Variants in PCDHA2 observed in about 807,000 individuals in gnomAD.
PCDHA2 encodes protocadherin alpha-2.
A neutral mutation model predicts 66.0 loss-of-function variants in PCDHA2; 58 were observed. The observed-to-expected ratio is 0.88, with a 90% CI of 0.71 to 1.09. PCDHA2 has a LOEUF of 1.09. Ranked by LOEUF, PCDHA2 falls within the 50% of genes least tolerant of loss-of-function variation. PCDHA2 has a pLI of 0.00. For missense variants in PCDHA2, 1,267 were observed against 1,242.3 expected, an observed-to-expected ratio of 1.02 and a Z score of -0.30; for synonymous variants, 634 against 554.0, an observed-to-expected ratio of 1.14 and a Z score of -2.03.
intron 1 of PCDHA2, chr5:140,823,134 G>A: frequency 1.2e-6 from 2 of 1,614,020 alleles, no homozygotes; most frequent in Non-Finnish European, 1.7e-6. Context: ...ACGCTCCGGC[G>A]TTCGCGCAGC....
intron 3 of PCDHA2, among the ~76,000 whole-genome samples, chr5:141,000,351 G>GTC: frequency 1.5e-5 from 1 of 66,852 alleles, no homozygotes; most frequent in Non-Finnish European, 2.9e-5. Flanking sequence ...CTCTCTCTCT[G>GTC]TCTCTCTCTG....
At chr5:141,007,426 G>A (rs1255100179) in intron 3 of PCDHA2, among the ~76,000 whole-genome samples, 4 of 151,118 alleles carry the variant, frequency 2.6e-5, no homozygotes, top group Non-Finnish European at 5.9e-5. Flanking sequence ...AAATTAGCCA[G>A]GCATGGTGGC....
intron 1 of PCDHA2, chr5:140,869,228 G>A (rs782726206): frequency 6.2e-7 from 1 of 1,613,764 alleles, no homozygotes; most frequent in Non-Finnish European, 8.5e-7. Context: ...GCCAAACACG[G>A]CACCTTCGTG....
chr5:140,820,250 A>G (rs2150106374), intron 1 of PCDHA2, among the ~76,000 whole-genome samples: 2 of 152,032 alleles, frequency 1.3e-5, no homozygotes, highest in African/African-American at 4.8e-5. Context: ...TAAAAATCTT[A>G]TAAGGGAACT....
intron 1 of PCDHA2, among the ~76,000 whole-genome samples, chr5:140,896,543 T>C (rs2065615880): frequency 6.6e-6 from 1 of 151,466 alleles, no homozygotes; most frequent in Non-Finnish European, 1.5e-5. Flanking sequence ...TTTCTTTTTT[T>C]TTTTTGTATT....
intron 1 of PCDHA2, chr5:140,848,372 A>G: frequency 1.7e-6 from 2 of 1,150,006 alleles, no homozygotes; most frequent in South Asian, 3.0e-5. Context: ...AAGAGGCTCA[A>G]TTCTTTTTCA....
At chr5:140,906,942 A>G (rs2073059599) in intron 1 of PCDHA2, among the ~76,000 whole-genome samples, 1 of 152,146 alleles carries the variant, frequency 6.6e-6, no homozygotes, top group Admixed American at 6.5e-5. Context: ...TGTCAATCTT[A>G]ATTTCCAGTT....
intron 1 of PCDHA2, among the ~76,000 whole-genome samples, chr5:140,973,706 G>A (rs143845626): frequency 4.6e-5 from 7 of 152,274 alleles, no homozygotes; most frequent in South Asian, 4.1e-4. Context: ...TCTGACCCAG[G>A]AGTGAGCCAT....
rs782163071 is a variant in PCDHA2, at chr5:140,796,909, G to C, written c.1945G>C (p.Val649Leu). The change falls in exon 1 of 4, where the codon GTG becomes CTG. Residue 649 changes from valine to leucine, a missense_variant. Physicochemically the swap from Val to Leu is conservative, Grantham distance 32 (BLOSUM62 1). Coordinates refer to ENST00000526136, the MANE Select transcript of PCDHA2 (RefSeq NM_018905.3). ...TGACTCCCCTCGACACCGCCTACTC[G>C]TGCTGGTGAAGGACCACGGCGAACC... is the stretch of plus-strand genomic sequence containing the variant. ...EADSPRHRLL[V>L]LVKDHGEPAL... 8 of 1,613,930 alleles carry C rather than the reference G, an allele frequency of 5.0e-6. No homozygotes were observed. The highest frequency in any genetic ancestry group is 4.5e-5 in the East Asian group (2 of 44,864).
intron 1 of PCDHA2, among the ~76,000 whole-genome samples, chr5:140,839,820 G>A (rs899482827): frequency 6.6e-6 from 1 of 151,928 alleles, no homozygotes; most frequent in Non-Finnish European, 1.5e-5. Context: ...CTACTATGAA[G>A]GCATTCATGA....
rs148598290 is a variant in PCDHA2, at chr5:140,857,464, C to G, written c.2388+60112C>G. 181 of 1,598,526 alleles carry G rather than the reference C, an allele frequency of 1.1e-4. 14 individuals carry two copies. Among genetic ancestry groups the G allele is most frequent in the Non-Finnish European group, 1.1e-4 (129 of 1,167,932 alleles). On this transcript the variant is annotated intron_variant, in intron 1 of 3. Transcript: ENST00000526136. ...AGGAGAACAACCCGCCAGGCTGCCA[C>G]ATCTTCACGGTGTCTGCGTGGGACG...
At chr5:140,898,676 G>C (rs1478380529) in intron 1 of PCDHA2, among the ~76,000 whole-genome samples, 3 of 152,036 alleles carry the variant, frequency 2.0e-5, no homozygotes, top group African/African-American at 4.8e-5. Context: ...GTTGCGGGCT[G>C]TTTTTTGGTT....
At chr5:140,938,876 A>AAC (rs142461507) in intron 1 of PCDHA2, among the ~76,000 whole-genome samples, 11 of 151,144 alleles carry the variant, frequency 7.3e-5, no homozygotes, top group South Asian at 2.1e-4. Context: ...GTTAAGAAGC[A>AAC]ACACACACAC....
At chr5:140,849,456 G>C in intron 1 of PCDHA2, 2 of 1,587,320 alleles carry the variant, frequency 1.3e-6, no homozygotes, top group Non-Finnish European at 1.7e-6. Context: ...GATCCCAGTC[G>C]AGGCTGTCGA....
chr5:140,802,388 G>A (rs1554122097), intron 1 of PCDHA2: 22 of 1,614,230 alleles, frequency 1.4e-5, no homozygotes, highest in Non-Finnish European at 1.9e-5. Flanking sequence ...CCTTCAAGCT[G>A]GTGTCCACCT....
rs554450758 is a variant in PCDHA2, at chr5:140,895,787, C to T, written c.2389-83162C>T. On this transcript the variant is annotated intron_variant, in intron 1 of 3. Coordinates refer to ENST00000526136, the MANE Select transcript of PCDHA2 (RefSeq NM_018905.3). ...TTTATGGCTGCATAGTATTCAATGA[C>T]GTATATGTACAATACTGTATTGTAT... 8.5e-5 allele frequency among the ~76,000 whole-genome samples: 13 copies of T among 152,124 alleles called. No homozygotes were observed. The South Asian group carries it at 2.1e-3, about 24-fold the overall frequency.
intron 1 of PCDHA2, among the ~76,000 whole-genome samples, chr5:140,821,333 A>T (rs1554128062): frequency 6.6e-6 from 1 of 152,190 alleles, no homozygotes; most frequent in East Asian, 1.9e-4. Flanking sequence ...TCTAGTAAGG[A>T]TTGGGGTTTC....
chr5:140,900,438 C>T (rs573115268), intron 1 of PCDHA2, among the ~76,000 whole-genome samples: 21 of 152,234 alleles, frequency 1.4e-4, no homozygotes, highest in South Asian at 8.3e-4. Flanking sequence ...CCACCACGGC[C>T]GGCTAATTTT....
chr5:140,863,572 A>T (rs2048074367), intron 1 of PCDHA2: 1 of 368,290 alleles, frequency 2.7e-6, no homozygotes, highest in African/African-American at 2.1e-5. Flanking sequence ...GAATATAAGT[A>T]CTGTAATCCT....
Sources: gnomAD v4.1 joint callset for allele counts (sites outside exome capture counted in the v4.1 genomes callset) on GRCh38, gnomAD v4.1.1 for gene constraint, MANE v1.5 for transcripts, NCBI Gene and HGNC (gene_info 2026-07-23, HGNC 2026-07-21) for gene names.